Variants in PIGG observed in about 807,000 individuals in gnomAD.
PIGG encodes the protein phosphatidylinositol glycan anchor biosynthesis class G (EMM blood group), also known as GPI ethanolamine phosphate transferase 2, catalytic subunit.
A neutral mutation model predicts 83.2 loss-of-function variants in PIGG; 70 were observed. That is an observed-to-expected ratio of 0.84 (90% CI 0.69 to 1.03). The LOEUF is 1.03. Ranked by LOEUF, PIGG falls within the 50% of genes least tolerant of loss-of-function variation. The pLI is 0.00. For synonymous variants in PIGG, 532 were observed against 519.5 expected (o/e 1.02, Z -0.33); for missense variants, 1,257 against 1,233.6 (o/e 1.02, Z -0.28).
chr4:520,959 C>T, intron 6 of PIGG, 97 bp from the exon 7 acceptor site: 2 of 823,976 alleles, frequency 2.4e-6, no homozygotes, highest in Non-Finnish European at 4.1e-6. Context: ...GAAGGCTTTG[C>T]CGTGTGCCAT....
At chr4:500,779 C>G (rs1166946374) in intron 2 of PIGG, among the ~76,000 whole-genome samples, 178 bp downstream of exon 2, 4 of 152,200 alleles carry the variant, frequency 2.6e-5, no homozygotes, top group African/African-American at 9.7e-5. Flanking sequence ...TGAGACCCAT[C>G]ATTTGTGCCC....
At chr4:501,027 C>A in intron 2 of PIGG, 1 of 413,996 alleles carries the variant, frequency 2.4e-6, no homozygotes, top group South Asian at 1.7e-5. Context: ...CAAAATTATC[C>A]ACCAGTATAC....
At chr4:525,380 A>G in intron 9 of PIGG, 1 of 985,010 alleles carries the variant, frequency 1.0e-6, no homozygotes, top group Non-Finnish European at 1.2e-6. Context: ...AAGCAGCACA[A>G]TGAGAGCATC....
Position 523,475 on chromosome 4 carries a change from G to C in PIGG, c.1631G>C (p.Ser544Thr). 1 of 1,609,538 alleles carries C rather than the reference G, an allele frequency of 6.2e-7. No homozygotes were observed. The highest frequency in any genetic ancestry group is 8.5e-7 in the Non-Finnish European group (1 of 1,176,780). Residue 544 changes from serine (S) to threonine (T), a missense_variant, in exon 9 of 13, where the codon AGC (serine) becomes ACC (threonine). By Grantham distance (58) the Ser-to-Thr change is moderately conservative. Transcript: ENST00000453061. ...TTTTCACAGAACCCCATGCATCCCA[G>C]CTCAAGGTGGTCAGAGCTAGACCTT... ...NTPRKNPMHP[S>T]SRWSELDLLI...
Position 528,228 on chromosome 4 carries a change from GTTT to G in PIGG, c.2261+1006_2261+1008del, listed in dbSNP as rs1043525549. The G allele has an allele frequency of 3.3e-6, 3 of 918,764 alleles. No homozygotes were observed. Among genetic ancestry groups the G allele is most frequent in the Non-Finnish European group, 3.9e-6 (3 of 770,654 alleles). 56.9% of individuals were successfully genotyped at this position (918,764 alleles called of 1,614,324 possible). ...ACCCCAGCTTACTAATTGTGTACCTGTTTTTTTTTTCATACTTATATGAAAGAC... is the reference window on the plus strand; with the variant it reads ...ACCCCAGCTTACTAATTGTGTACCTGTTTTTTTCATACTTATATGAAAGAC... On this transcript the variant is annotated intron_variant, in intron 10 of 12. Coordinates refer to ENST00000453061, the MANE Select transcript of PIGG (RefSeq NM_001127178.3). The surrounding 1 kb of genome is among the most constrained non-coding windows in gnomAD (Gnocchi z 4.8).
chr4:524,597 C>T (rs901415951), intron 9 of PIGG: 4 of 152,236 alleles, frequency 2.6e-5, no homozygotes, highest in African/African-American at 9.7e-5. Context: ...GAAGATGGCA[C>T]CAAGCCATTC....
chr4:539,099 A>G (rs1731452520), intron 12 of PIGG, 54 bp from the exon 13 acceptor site: 9 of 1,123,006 alleles, frequency 8.0e-6, no homozygotes, highest in South Asian at 1.3e-5. Context: ...GTGTTGTTAC[A>G]TGTGTGATAT....
Position 515,189 on chromosome 4 carries a change from G to A in PIGG, c.902-784G>A, listed in dbSNP as rs1220022298. ...TGAGTAGCCGTCCCTGTGGCCTCTT[G>A]GCGCCCTGCCGGTGTACGTTGAATT... On this transcript the variant is annotated intron_variant, in intron 5 of 12. Transcript: ENST00000453061. This position sits in a 1 kb window ranked among gnomAD's most constrained non-coding sequence, Gnocchi z 4.2. Among the ~76,000 whole-genome samples, 1 of 152,258 alleles carries A rather than the reference G, an allele frequency of 6.6e-6. No individual in the cohort carries two copies. The highest frequency in any genetic ancestry group is 6.5e-5 in the Admixed American group (1 of 15,282).
In PIGG at chr4:518,410, A is replaced by G. The variant is rs189718044; in HGVS notation, c.1114+2225A>G. On this transcript the variant is annotated intron_variant, in intron 6 of 12. Transcript: ENST00000453061. ...AGATCAAGACCGTCCTGGCTAACACAGTGAAACCCCATCTCTACTAAAAAT... is the reference window on the plus strand; with the variant it reads ...AGATCAAGACCGTCCTGGCTAACACGGTGAAACCCCATCTCTACTAAAAAT... 3.0e-3 allele frequency among the ~76,000 whole-genome samples: 455 copies of G among 152,190 alleles called. 2 individuals carry two copies. The highest frequency in any genetic ancestry group is 5.9e-3 in the African/African-American group (245 of 41,522).
At chr4:523,042 A>T (rs142827823) in intron 8 of PIGG, among the ~76,000 whole-genome samples, 1 of 152,184 alleles carries the variant, frequency 6.6e-6, no homozygotes, top group Non-Finnish European at 1.5e-5. Context: ...GGCGACGTGC[A>T]TCTGAAGACC....
At position 521,932 on chromosome 4, in the gene PIGG, C is replaced by G. The variant is rs2108950258; in HGVS notation, c.1605C>G (p.Thr535=). Residue 535 remains threonine, a synonymous_variant, in exon 8 of 13, where the codon ACC becomes ACG. Transcript: ENST00000453061. ...VLTNVLVGGN[T]PRKNPMHPSS... ...CCAACGTGCTCGTGGGTGGAAACACCCCAAGGAAGGTACGTACGGCTGGTT... is the reference window on the plus strand; with the variant it reads ...CCAACGTGCTCGTGGGTGGAAACACGCCAAGGAAGGTACGTACGGCTGGTT... The G allele has an allele frequency of 6.2e-7, 1 of 1,614,076 alleles. No homozygotes were observed. Among genetic ancestry groups the G allele is most frequent in the South Asian group, 1.1e-5 (1 of 91,082 alleles).
intron 11 of PIGG, 197 bp from the exon 12 acceptor site, chr4:533,621 G>T: frequency 1.7e-6 from 1 of 597,566 alleles, no homozygotes; most frequent in African/African-American, 1.9e-5. Context: ...AGGGGGAGGG[G>T]GTGCCACCTA....
chr4:508,118 G>A (rs985421302), intron 4 of PIGG, among the ~76,000 whole-genome samples: 6 of 152,236 alleles, frequency 3.9e-5, no homozygotes, highest in African/African-American at 7.2e-5. Context: ...TGAAGCTCAC[G>A]CTCTAGCCAG....
rs769199070 is a variant in PIGG at position 521,725 on chromosome 4, A to T, written c.1398A>T (p.Pro466=). 8 of 1,613,960 alleles carry T rather than the reference A, an allele frequency of 5.0e-6. No homozygotes were observed. Among genetic ancestry groups the T allele is most frequent in the Non-Finnish European group, 6.8e-6 (8 of 1,179,994 alleles). ...ALRRKAELEV[P]LSSPGFSLLF... is the part of the protein sequence containing the mutation. ...GCAGAAAGGCTGAGCTGGAAGTCCC[A>T]CTGTCATCTCCTGGGTTTTCTCTGC... is the stretch of plus-strand genomic sequence containing the variant. Residue 466 remains proline, a synonymous_variant, in exon 8 of 13, where the codon CCA becomes CCT. Coordinates refer to ENST00000453061, the MANE Select transcript of PIGG (RefSeq NM_001127178.3).
At chr4:506,909 C>T (rs1719924074) in intron 3 of PIGG, 6 of 397,548 alleles carry the variant, frequency 1.5e-5, no homozygotes, top group South Asian at 7.0e-5. Context: ...CCCTTAGTTA[C>T]CTCATGACAA....
In PIGG at chr4:521,767, C is replaced by G. The variant is rs1377521243; in HGVS notation, c.1440C>G (p.Ile480Met). 6.2e-7 allele frequency: 1 copy of G among 1,614,136 alleles called. No homozygotes were observed. Among genetic ancestry groups the G allele is most frequent in the East Asian group, 2.2e-5 (1 of 44,878 alleles). Reference sequence around the variant, plus strand: ...TTTCTCTGCTCTTTTATTTGGTGATCCTGGTTCTTTCGGCCGTTCACGTCA... The same window carrying G: ...TTTCTCTGCTCTTTTATTTGGTGATGCTGGTTCTTTCGGCCGTTCACGTCA... ...PGFSLLFYLV[I>M]LVLSAVHVIV... The change falls in exon 8 of 13, where the codon ATC (isoleucine) becomes ATG (methionine). Residue 480 changes from isoleucine to methionine, a missense_variant. Transcript: ENST00000453061.
At chr4:505,693 TA>T in intron 2 of PIGG, 24 bp from the exon 3 acceptor site, 1 of 1,577,856 alleles carries the variant, frequency 6.3e-7, no homozygotes, top group East Asian at 2.2e-5. Context: ...TTCAGTGGCC[TA>T]ATTCTTGCAT....
intron 5 of PIGG, among the ~76,000 whole-genome samples, chr4:512,750 G>A (rs567648854): frequency 6.6e-6 from 1 of 152,008 alleles, no homozygotes; most frequent in Non-Finnish European, 1.5e-5. Context: ...GGGAGGCAGA[G>A]GTTGCAGTGA....
intron 5 of PIGG, among the ~76,000 whole-genome samples, chr4:511,114 A>T (rs1721762306): frequency 1.3e-5 from 2 of 151,942 alleles, no homozygotes; most frequent in Non-Finnish European, 2.9e-5. Context: ...ACCAACATGG[A>T]GAAACCCCGT....
Sources: allele counts gnomAD v4.1 joint callset (sites outside exome capture counted in the v4.1 genomes callset), GRCh38; gene constraint gnomAD v4.1.1; non-coding constraint Gnocchi (gnomAD v3.1); transcripts MANE v1.5; gene names NCBI Gene and HGNC (gene_info 2026-07-23, HGNC 2026-07-21).